ASPRV1: variants seen among roughly 807,000 people sequenced by gnomAD.
The protein encoded by ASPRV1 is aspartic peptidase retroviral like 1.
Under a neutral mutation model 11.0 loss-of-function variants are expected in ASPRV1, and 7 were observed. The ratio of observed to expected loss-of-function variants is 0.64; its 90% confidence interval spans 0.36 to 1.20. ASPRV1 has a LOEUF of 1.20. Among genes scored for constraint, ASPRV1 ranks in the 50% most tolerant of loss-of-function variants. ASPRV1 has a pLI of 0.02. For missense variants in ASPRV1, 299 were observed against 320.0 expected, an observed-to-expected ratio of 0.93 and a Z score of 0.50; for synonymous variants, 136 against 138.4, an observed-to-expected ratio of 0.98 and a Z score of 0.12.
chr2:69,943,128 G>A, the ASPRV1 span, among the ~76,000 whole-genome samples: 1 of 152,136 alleles, frequency 6.6e-6, no homozygotes, highest in Non-Finnish European at 1.5e-5. Context: ...CCCATTTGTT[G>A]ATCAGAATTA....
chr2:69,965,048 A>ATTAT (rs958662988), upstream of ASPRV1, among the ~76,000 whole-genome samples: 3 of 151,946 alleles, frequency 2.0e-5, no homozygotes, highest in African/African-American at 7.3e-5. Context: ...CAAACACTTT[A>ATTAT]TTATTTATTT....
At chr2:70,027,849 CA>C in the ASPRV1 span, among the ~76,000 whole-genome samples, 1 of 152,114 alleles carries the variant, frequency 6.6e-6, no homozygotes, top group Non-Finnish European at 1.5e-5. Flanking sequence ...GTTACCAACA[CA>C]AAGGAATGAC....
the ASPRV1 span, chr2:69,975,802 C>T: frequency 1.3e-5 from 2 of 152,368 alleles, no homozygotes; most frequent in African/African-American, 2.4e-5. Flanking sequence ...ACTCTTTCCC[C>T]CGTGGTCAGT....
the ASPRV1 span, among the ~76,000 whole-genome samples, chr2:70,010,980 C>T: frequency 2.4e-3 from 367 of 152,266 alleles, 2 homozygotes; most frequent in Non-Finnish European, 4.7e-3. Context: ...ATGAAAAACA[C>T]ATTATCCTTA....
the ASPRV1 span, among the ~76,000 whole-genome samples, chr2:70,023,599 G>A: frequency 1.3e-5 from 2 of 151,582 alleles, no homozygotes; most frequent in Admixed American, 6.6e-5. Flanking sequence ...CTTGAACCCC[G>A]GGAGGCAGAG....
At chr2:69,987,472 G>T in the ASPRV1 span, among the ~76,000 whole-genome samples, 1,271 of 151,794 alleles carry the variant, frequency 8.4e-3, 18 homozygotes, top group African/African-American at 0.03. Context: ...TCAGTTCGGG[G>T]TGGTGGCTCA....
At chr2:69,980,937 G>A in the ASPRV1 span, among the ~76,000 whole-genome samples, 7 of 152,006 alleles carry the variant, frequency 4.6e-5, no homozygotes, top group African/African-American at 1.7e-4. Context: ...CACCAGGCCT[G>A]GCTAATTTTT....
the ASPRV1 span, among the ~76,000 whole-genome samples, chr2:69,946,361 C>T: frequency 1.3e-5 from 2 of 151,488 alleles, no homozygotes; most frequent in Non-Finnish European, 2.9e-5. Flanking sequence ...AGCTAAGGGT[C>T]GATGCCAACT....
the ASPRV1 span, among the ~76,000 whole-genome samples, chr2:69,966,914 A>T: frequency 3.4e-4 from 52 of 152,306 alleles, no homozygotes; most frequent in African/African-American, 1.2e-3. Context: ...TGGCATGTCA[A>T]AGTGATCCAG....
chr2:70,070,908 A>C, the ASPRV1 span: 1 of 152,256 alleles, frequency 6.6e-6, no homozygotes, highest in Non-Finnish European at 1.5e-5. Flanking sequence ...CCTTTTAATG[A>C]GTTTGGACCA....
chr2:70,065,263 C>A, the ASPRV1 span, among the ~76,000 whole-genome samples: 2 of 151,206 alleles, frequency 1.3e-5, no homozygotes, highest in South Asian at 4.2e-4. Context: ...AAAAAATTAG[C>A]GCCTGTAGTC....
the ASPRV1 span, among the ~76,000 whole-genome samples, chr2:70,025,820 C>T: frequency 6.6e-6 from 1 of 152,158 alleles, no homozygotes; most frequent in Non-Finnish European, 1.5e-5. Flanking sequence ...ATACCAAAGG[C>T]CAGGACACTT....
upstream of ASPRV1, chr2:69,961,845 C>T: frequency 1.3e-6 from 1 of 745,620 alleles, no homozygotes; most frequent in Non-Finnish European, 2.2e-6. Context: ...TGAAGGGGGA[C>T]TACCCTGTAC....
the ASPRV1 span, among the ~76,000 whole-genome samples, chr2:70,041,024 C>T: frequency 6.6e-6 from 1 of 152,176 alleles, no homozygotes; most frequent in African/African-American, 2.4e-5. Flanking sequence ...TGGACAAATG[C>T]CATAGGCTAA....
the ASPRV1 span, among the ~76,000 whole-genome samples, chr2:70,006,588 C>T: frequency 6.6e-6 from 1 of 152,046 alleles, no homozygotes; most frequent in East Asian, 1.9e-4. Flanking sequence ...GAGCCCAGTC[C>T]AGCCCAGAGG....
chr2:70,082,829 G>C, the ASPRV1 span, among the ~76,000 whole-genome samples: 13 of 152,344 alleles, frequency 8.5e-5, no homozygotes, highest in African/African-American at 2.4e-4. Context: ...GGGGGATAGA[G>C]GTGGCAGTGA....
At chr2:70,083,433 A>G in the ASPRV1 span, 2 of 152,252 alleles carry the variant, frequency 1.3e-5, no homozygotes, top group African/African-American at 4.8e-5. Context: ...TTAACATAAG[A>G]GGAAGCAACA....
the ASPRV1 span, among the ~76,000 whole-genome samples, chr2:70,013,243 A>G: frequency 6.6e-6 from 1 of 152,272 alleles, no homozygotes; most frequent in Non-Finnish European, 1.5e-5. Flanking sequence ...AGTTTAATAT[A>G]GAAAAGTATG....
At chr2:69,954,326 A>T in the ASPRV1 span, among the ~76,000 whole-genome samples, 1 of 152,160 alleles carries the variant, frequency 6.6e-6, no homozygotes, top group African/African-American at 2.4e-5. Context: ...AGGCAGCCAC[A>T]TGGGTCTGAG....
Sources: allele counts gnomAD v4.1 joint callset (sites outside exome capture counted in the v4.1 genomes callset), GRCh38; gene constraint gnomAD v4.1.1; transcripts MANE v1.5; gene names NCBI Gene and HGNC (gene_info 2026-07-23, HGNC 2026-07-21).